GTF2A1L: variants seen among roughly 807,000 people sequenced by gnomAD.
The protein encoded by GTF2A1L is general transcription factor IIA subunit 1 like, also known as TFIIA-alpha and beta-like factor.
Under a neutral mutation model 49.7 loss-of-function variants are expected in GTF2A1L, and 48 were observed. That is an observed-to-expected ratio of 0.97 (90% CI 0.77 to 1.23). The LOEUF (loss-of-function observed/expected upper bound fraction) is 1.23. GTF2A1L is among the 50% of genes most tolerant of loss of function. The pLI is 0.00. For missense variants in GTF2A1L, 736 were observed against 564.8 expected, an observed-to-expected ratio of 1.30 and a Z score of -3.07; for synonymous variants, 246 against 193.5, an observed-to-expected ratio of 1.27 and a Z score of -2.25.
intron 6 of GTF2A1L, among the ~76,000 whole-genome samples, chr2:48,651,431 G>A (rs1437316694): frequency 7.2e-6 from 1 of 138,550 alleles, no homozygotes; most frequent in Non-Finnish European, 1.5e-5. Context: ...TTTATGTTGT[G>A]AGTTCTTTTT....
At position 48,669,774 on chromosome 2, in the gene GTF2A1L, G is replaced by A. The variant is rs1679063962; in HGVS notation, c.1031G>A (p.Gly344Asp). 6.2e-7 allele frequency: 1 copy of A among 1,613,844 alleles called. No individual in the cohort carries two copies. Among genetic ancestry groups the A allele is most frequent in the East Asian group, 2.2e-5 (1 of 44,822 alleles). Residue 344 changes from glycine (G) to aspartate (D), a missense_variant, in exon 7 of 9, where the codon GGT becomes GAT. Transcript: ENST00000403751. Reference protein sequence around the residue: ...LSIRVTDDDIGEIIQVDGSGD... With the variant: ...LSIRVTDDDIDEIIQVDGSGD... ...ATTCGGGTTACTGATGATGATATTG[G>A]TGAAATAATTCAAGTAGATGGAAGC...
chr2:48,665,911 C>T (rs964279413), intron 6 of GTF2A1L, among the ~76,000 whole-genome samples: 73 of 152,130 alleles, frequency 4.8e-4, no homozygotes, highest in African/African-American at 1.5e-3. Context: ...TTTAAGTCTT[C>T]ACCTGTAATT....
intron 6 of GTF2A1L, among the ~76,000 whole-genome samples, chr2:48,664,092 A>T (rs927786963): frequency 3.3e-5 from 5 of 152,162 alleles, no homozygotes; most frequent in African/African-American, 4.8e-5. Context: ...TATTTTGATG[A>T]ATAAAAAAAA....
At chr2:48,644,943 T>C in intron 4 of GTF2A1L, 90 bp from the exon 5 acceptor site, 1 of 1,126,232 alleles carries the variant, frequency 8.9e-7, no homozygotes, top group African/African-American at 1.6e-5. Flanking sequence ...TTGTCCAGAA[T>C]CAGATTTTTT....
In GTF2A1L at chr2:48,664,549, T is replaced by G. The variant is rs113691627; in HGVS notation, c.979-5173T>G. On this transcript the variant is annotated intron_variant, in intron 6 of 8. Coordinates refer to ENST00000403751, the MANE Select transcript of GTF2A1L (RefSeq NM_006872.5). ...AGTTTTGTTATTTTGTGCTGGGTATTAGGGTAATATTAGTTTCATAGAATG... is the reference window on the plus strand; with the variant it reads ...AGTTTTGTTATTTTGTGCTGGGTATGAGGGTAATATTAGTTTCATAGAATG... Among the ~76,000 whole-genome samples the G allele has an allele frequency of 5.9e-4, 90 of 152,276 alleles. 1 individual carries two copies. The highest frequency in any genetic ancestry group is 2.0e-3 in the African/African-American group (85 of 41,566).
intron 3 of GTF2A1L, among the ~76,000 whole-genome samples, chr2:48,636,213 A>G (rs941326516): frequency 2.0e-5 from 3 of 152,244 alleles, no homozygotes; most frequent in Admixed American, 6.5e-5. Flanking sequence ...ACCTGAGGAA[A>G]AAAAGGCTAT....
intron 8 of GTF2A1L, among the ~76,000 whole-genome samples, chr2:48,672,967 G>T (rs1679253626): frequency 6.6e-6 from 1 of 152,010 alleles, no homozygotes; most frequent in Non-Finnish European, 1.5e-5. Flanking sequence ...AAGCCTGTAG[G>T]CCTAAGAAAC....
intron 3 of GTF2A1L, among the ~76,000 whole-genome samples, chr2:48,629,686 T>C (rs573130688): frequency 6.9e-6 from 1 of 144,476 alleles, no homozygotes; most frequent in Admixed American, 7.0e-5. Context: ...AAAAGGCTTC[T>C]GAAGTTTGCT....
intron 6 of GTF2A1L, among the ~76,000 whole-genome samples, chr2:48,653,668 G>A (rs1677994228): frequency 6.6e-6 from 1 of 152,074 alleles, no homozygotes; most frequent in Non-Finnish European, 1.5e-5. Flanking sequence ...AAAGGGCCGG[G>A]CACTGGGTGA....
intron 3 of GTF2A1L, among the ~76,000 whole-genome samples, chr2:48,625,389 C>A (rs969438074): frequency 7.0e-6 from 1 of 143,614 alleles, no homozygotes; most frequent in Non-Finnish European, 1.6e-5. Context: ...AAGTCCTTTG[C>A]CAATTTTTGA....
chr2:48,634,205 G>A (rs1676753309), intron 3 of GTF2A1L, among the ~76,000 whole-genome samples: 2 of 152,086 alleles, frequency 1.3e-5, no homozygotes, highest in Non-Finnish European at 2.9e-5. Flanking sequence ...CTTCGTCTCC[G>A]GGTTCAAGAG....
At chr2:48,619,764 A>G (rs892726297) in intron 1 of GTF2A1L, among the ~76,000 whole-genome samples, 1 of 152,206 alleles carries the variant, frequency 6.6e-6, no homozygotes, top group Non-Finnish European at 1.5e-5. Context: ...TATAGATATG[A>G]AGGGCTGAGT....
At chr2:48,672,276 T>C (rs1333154883) in intron 8 of GTF2A1L, among the ~76,000 whole-genome samples, 1 of 152,190 alleles carries the variant, frequency 6.6e-6, no homozygotes. Flanking sequence ...ACTGAAGAGA[T>C]AGCTCTGGCT....
chr2:48,635,777 C>T (rs1437572499), intron 3 of GTF2A1L, among the ~76,000 whole-genome samples: 2 of 152,156 alleles, frequency 1.3e-5, no homozygotes, highest in African/African-American at 4.8e-5. Context: ...GAATGGCTGA[C>T]TTTGTATGCA....
chr2:48,653,491 A>G (rs1252362407), intron 6 of GTF2A1L, among the ~76,000 whole-genome samples: 1 of 152,156 alleles, frequency 6.6e-6, no homozygotes, highest in East Asian at 1.9e-4. Flanking sequence ...CCTTTTCCAG[A>G]ATATTAGACA....
At chr2:48,662,524 T>A (rs1265221332) in intron 6 of GTF2A1L, among the ~76,000 whole-genome samples, 1 of 152,182 alleles carries the variant, frequency 6.6e-6, no homozygotes. Context: ...AGGCAGAGTT[T>A]ATTCAAGGGG....
At chr2:48,637,153 G>A (rs1015324598) in intron 3 of GTF2A1L, among the ~76,000 whole-genome samples, 21 of 152,104 alleles carry the variant, frequency 1.4e-4, no homozygotes, top group East Asian at 1.9e-4. Context: ...ATGCTAATGC[G>A]TATTCACAAA....
chr2:48,630,078 A>T (rs1275308415), intron 3 of GTF2A1L, among the ~76,000 whole-genome samples: 1 of 144,238 alleles, frequency 6.9e-6, no homozygotes, highest in African/African-American at 2.5e-5. Flanking sequence ...TTTTTTGCTT[A>T]TGATTGTTTT....
At position 48,646,776 on chromosome 2, in the gene GTF2A1L, A is replaced by G. The variant is rs757965791; in HGVS notation, c.712A>G (p.Ser238Gly). The G allele has an allele frequency of 6.8e-6, 11 of 1,614,070 alleles. No homozygotes were observed. Among genetic ancestry groups the G allele is most frequent in the Non-Finnish European group, 7.6e-6 (9 of 1,180,042 alleles). The part of the protein sequence containing the change: ...VPEALLCHQE[S>G]SHYISLPGVV... ...TGAAGCTTTGTTGTGTCATCAGGAA[A>G]GTTCTCACTATATCAGTCTTCCAGG... The change falls in exon 6 of 9, where the codon AGT becomes GGT. Residue 238 changes from serine to glycine, a missense_variant. Physicochemically the swap from Ser to Gly is moderately conservative, Grantham distance 56. Transcript: ENST00000403751.
Sources: allele counts gnomAD v4.1 joint callset (sites outside exome capture counted in the v4.1 genomes callset), GRCh38; gene constraint gnomAD v4.1.1; transcripts MANE v1.5; gene names NCBI Gene and HGNC (gene_info 2026-07-23, HGNC 2026-07-21).